Variants in SYN3 observed in about 807,000 individuals in gnomAD.
SYN3 encodes the protein synapsin-3.
In SYN3, 35 loss-of-function variants were observed where a neutral mutation model predicts 65.8. The observed-to-expected ratio is 0.53, with a 90% CI of 0.41 to 0.70. The LOEUF (loss-of-function observed/expected upper bound fraction) is 0.70. Among genes scored for constraint, SYN3 ranks in the 30% least tolerant of loss-of-function variants. The pLI is 0.00. For synonymous variants in SYN3, 270 were observed against 292.9 expected (o/e 0.92, Z 0.80); for missense variants, 680 against 749.0 (o/e 0.91, Z 1.08).
intron 7 of SYN3, among the ~76,000 whole-genome samples, chr22:32,558,297 T>C (rs1166563260): frequency 6.6e-6 from 1 of 152,158 alleles, no homozygotes; most frequent in Admixed American, 6.5e-5. Flanking sequence ...TGAGAAGGCT[T>C]TGTGAAGGAT....
At chr22:33,057,869 C>T (rs1443621873) in intron 1 of SYN3, 2 of 152,366 alleles carry the variant, frequency 1.3e-5, no homozygotes, top group Non-Finnish European at 2.9e-5. Flanking sequence ...GGCAACAGGT[C>T]ATGAGGGGTC....
chr22:32,728,589 G>A (rs899412694), intron 6 of SYN3, among the ~76,000 whole-genome samples: 15 of 152,194 alleles, frequency 9.9e-5, no homozygotes, highest in African/African-American at 2.7e-4. Context: ...AAAGAGACTT[G>A]GTATAGGTGG....
intron 12 of SYN3, among the ~76,000 whole-genome samples, chr22:32,523,425 A>G (rs1281599069): frequency 6.6e-6 from 1 of 152,194 alleles, no homozygotes; most frequent in Non-Finnish European, 1.5e-5. Context: ...AGGCAGGAGA[A>G]TCGCTTGAGC....
At chr22:32,623,745 A>G (rs1033124594) in intron 6 of SYN3, among the ~76,000 whole-genome samples, 5 of 152,208 alleles carry the variant, frequency 3.3e-5, no homozygotes, top group Non-Finnish European at 7.3e-5. Flanking sequence ...CTCCATCTTC[A>G]TAGGACTTAT....
In SYN3 at chr22:32,972,223, G is replaced by T. The variant is rs933877333; in HGVS notation, c.369+8422C>A. On this transcript the variant is annotated intron_variant, in intron 3 of 13. Coordinates refer to ENST00000358763, the MANE Select transcript of SYN3 (RefSeq NM_003490.4). ...AGATCGATTAATAAATGTTTGAAAT[G>T]ACATAAGTTTAGCATTGTCTATAAT... 4.6e-5 allele frequency among the ~76,000 whole-genome samples: 7 copies of T among 152,284 alleles called. 1 individual carries two copies. Among genetic ancestry groups the T allele is most frequent in the East Asian group, 3.9e-4 (2 of 5,188 alleles).
At chr22:32,958,911 G>A (rs749343698) in intron 3 of SYN3, among the ~76,000 whole-genome samples, 4 of 152,248 alleles carry the variant, frequency 2.6e-5, no homozygotes, top group South Asian at 4.2e-4. Flanking sequence ...ATTACTTCTC[G>A]GAGGGGCACA....
chr22:32,928,735 A>G (rs973237540), intron 4 of SYN3, among the ~76,000 whole-genome samples: 2 of 152,074 alleles, frequency 1.3e-5, no homozygotes, highest in African/African-American at 4.8e-5. Context: ...CATTTCTTCA[A>G]ATACTGTCTC....
intron 1 of SYN3, among the ~76,000 whole-genome samples, chr22:33,054,393 T>C (rs2054222091): frequency 1.3e-5 from 2 of 152,250 alleles, no homozygotes; most frequent in African/African-American, 4.8e-5. Flanking sequence ...TTTGTTTGTT[T>C]GTTTTTTTAA....
intron 4 of SYN3, among the ~76,000 whole-genome samples, chr22:32,916,776 T>C (rs1357761385): frequency 1.3e-5 from 2 of 152,214 alleles, no homozygotes; most frequent in Non-Finnish European, 2.9e-5. Context: ...TTTCCTAAAT[T>C]ATTCACATCA....
intron 7 of SYN3, among the ~76,000 whole-genome samples, chr22:32,557,336 C>A (rs567759112): frequency 1.3e-5 from 2 of 152,282 alleles, no homozygotes; most frequent in South Asian, 4.1e-4. Flanking sequence ...AAGTCTTCCC[C>A]AGTGAGGGGA....
intron 6 of SYN3, among the ~76,000 whole-genome samples, chr22:32,770,972 T>C (rs918406694): frequency 2.0e-5 from 3 of 151,570 alleles, no homozygotes; most frequent in Non-Finnish European, 4.4e-5. Flanking sequence ...ACATGTGCCA[T>C]GGTGGTTTGC....
At chr22:32,853,886 C>T (rs933255) in intron 6 of SYN3, among the ~76,000 whole-genome samples, 39,965 of 152,084 alleles carry the variant, frequency 0.26, 5,507 homozygotes, top group African/African-American at 0.34. Flanking sequence ...AGTAACTTTC[C>T]AAGTGGCGAA....
rs577306620 is a variant in SYN3, at chr22:32,702,575, A to T, written c.712-105839T>A. Among the ~76,000 whole-genome samples the T allele has an allele frequency of 2.6e-5, 4 of 152,332 alleles. No homozygotes were observed. The East Asian group carries it at 5.8e-4, about 22-fold the overall frequency. Reference sequence around the variant, plus strand: ...TGAAACTAAGAGCCCTCAGACCTGAATTCTTTTCGTGTTACAAAAGATCTT... The same window carrying T: ...TGAAACTAAGAGCCCTCAGACCTGATTTCTTTTCGTGTTACAAAAGATCTT... On this transcript the variant is annotated intron_variant, in intron 6 of 13. Coordinates refer to ENST00000358763, the MANE Select transcript of SYN3 (RefSeq NM_003490.4).
chr22:32,658,205 G>A (rs906625057), intron 6 of SYN3, among the ~76,000 whole-genome samples: 4 of 152,228 alleles, frequency 2.6e-5, no homozygotes, highest in African/African-American at 9.6e-5. Flanking sequence ...GAGGGCAGGG[G>A]GGCTGCAGAC....
chr22:32,778,330 C>T (rs2145812741), intron 6 of SYN3, among the ~76,000 whole-genome samples: 1 of 152,162 alleles, frequency 6.6e-6, no homozygotes, highest in Middle Eastern at 3.4e-3. Context: ...CACCCTGTCA[C>T]CAGGCTGGAG....
intron 6 of SYN3, among the ~76,000 whole-genome samples, chr22:32,623,049 C>A (rs1601781281): frequency 6.6e-6 from 1 of 152,032 alleles, no homozygotes; most frequent in Admixed American, 6.5e-5. Flanking sequence ...ACAGTGTCTA[C>A]CACAACAGAT....
At chr22:33,039,617 A>C (rs2053926792) in intron 1 of SYN3, among the ~76,000 whole-genome samples, 1 of 151,978 alleles carries the variant, frequency 6.6e-6, no homozygotes, top group South Asian at 2.1e-4. Flanking sequence ...GCTGGTCTCG[A>C]ACTCCTGACC....
At chr22:32,606,096 C>T (rs16990836) in intron 6 of SYN3, among the ~76,000 whole-genome samples, 29,099 of 152,148 alleles carry the variant, frequency 0.19, 2,984 homozygotes, top group Non-Finnish European at 0.22. Flanking sequence ...TGGAGTAGGA[C>T]GGCAGTCTGC....
chr22:32,714,893 A>C (rs1011929116), intron 6 of SYN3, among the ~76,000 whole-genome samples: 7 of 152,216 alleles, frequency 4.6e-5, no homozygotes, highest in Non-Finnish European at 7.3e-5. Flanking sequence ...CATACTTAGC[A>C]TATAGTAGAT....
Sources: allele counts gnomAD v4.1 joint callset (sites outside exome capture counted in the v4.1 genomes callset), GRCh38; gene constraint gnomAD v4.1.1; transcripts MANE v1.5; gene names NCBI Gene and HGNC (gene_info 2026-07-23, HGNC 2026-07-21).